Variants in PAPPA observed in about 807,000 individuals in gnomAD.
PAPPA encodes the protein pappalysin 1, also known as pappalysin-1.
PAPPA carries 60 observed loss-of-function variants against 164.0 expected under a neutral mutation model. That is an observed-to-expected ratio of 0.37 (90% CI 0.30 to 0.45). The LOEUF is 0.45. PAPPA is among the 20% of genes least tolerant of loss of function. The probability of loss-of-function intolerance (pLI) is 1.00; values close to 1 mark genes in which losing one functional copy is unlikely to be tolerated. For missense variants in PAPPA, 1,782 were observed against 2,087.3 expected (o/e 0.85, Z 2.85); for synonymous variants, 875 against 814.1 (o/e 1.07, Z -1.27).
At chr9:116,192,620 G>C (rs951514849) in intron 2 of PAPPA, among the ~76,000 whole-genome samples, 11 of 152,118 alleles carry the variant, frequency 7.2e-5, no homozygotes, top group Admixed American at 3.9e-4. Context: ...GTGAATGAAG[G>C]GTCCACAGTA....
Position 116,154,189 on chromosome 9 carries a change from G to C in PAPPA, c.17G>C (p.Trp6Ser). 6.7e-7 allele frequency: 1 copy of C among 1,486,592 alleles called. No individual in the cohort carries two copies. Among genetic ancestry groups the C allele is most frequent in the Non-Finnish European group, 8.9e-7 (1 of 1,119,008 alleles). The allele number at this position is 1,486,592 out of a possible 1,614,324, so 92.1% of individuals were successfully genotyped here. A position where few individuals can be genotyped will look rare whatever the true frequency, so the allele number is the denominator to read the frequency against. Residue 6 changes from tryptophan (W) to serine (S), a missense_variant, in exon 1 of 22, where the codon TGG (tryptophan) becomes TCG (serine). Physicochemically the swap from Trp to Ser is radical, Grantham distance 177 (BLOSUM62 -3). Coordinates refer to ENST00000328252, the MANE Select transcript of PAPPA (RefSeq NM_002581.5). The surrounding 1 kb of genome is among the most constrained non-coding windows in gnomAD (Gnocchi z 5.2). ...CCGTCGGACATGCGGCTCTGGAGTT[G>C]GGTGCTGCACCTGGGGCTGCTGAGC... is the stretch of plus-strand genomic sequence containing the variant. MRLWS[W>S]VLHLGLLSAA...
In PAPPA at chr9:116,352,921, G is replaced by A; in HGVS notation, c.4175+5G>A. 6.2e-7 allele frequency: 1 copy of A among 1,611,994 alleles called. No homozygotes were observed. Among genetic ancestry groups the A allele is most frequent in the Non-Finnish European group, 8.5e-7 (1 of 1,178,284 alleles). ...ATCCTCTCGGAAGTCAAAGAAGTAA[G>A]TGGGGTTGGAAATGCAAACTTATGG... On this transcript the variant is annotated splice_donor_5th_base_variant and intron_variant, in intron 16 of 21. Transcript: ENST00000328252.
At chr9:116,383,632 TA>T (rs1435688180) in intron 21 of PAPPA, among the ~76,000 whole-genome samples, 2 of 152,174 alleles carry the variant, frequency 1.3e-5, no homozygotes, top group Non-Finnish European at 2.9e-5. Flanking sequence ...TGACCCAAAA[TA>T]CAGGAACAAA....
chr9:116,217,870 A>G (rs754066214), intron 4 of PAPPA, among the ~76,000 whole-genome samples: 2 of 152,148 alleles, frequency 1.3e-5, no homozygotes, highest in African/African-American at 2.4e-5. Flanking sequence ...TGTGTGCACT[A>G]ATCTAGTCAC....
intron 9 of PAPPA, among the ~76,000 whole-genome samples, chr9:116,285,520 A>AT (rs1845327314): frequency 6.6e-6 from 1 of 152,162 alleles, no homozygotes. Flanking sequence ...CCCTGCTGGA[A>AT]TGTGCTCCTC....
At chr9:116,160,963 G>C (rs188413817) in intron 1 of PAPPA, among the ~76,000 whole-genome samples, 43 of 152,322 alleles carry the variant, frequency 2.8e-4, no homozygotes, top group Non-Finnish European at 5.1e-4. Context: ...GGGCCTCAGG[G>C]GAGAGGGTTT....
chr9:116,269,837 G>A (rs1845116925), intron 8 of PAPPA, among the ~76,000 whole-genome samples: 1 of 152,168 alleles, frequency 6.6e-6, no homozygotes, highest in Non-Finnish European at 1.5e-5. Flanking sequence ...GCAATTTCCA[G>A]CAAGCAAGAC....
At chr9:116,367,368 C>T (rs1480376229) in intron 18 of PAPPA, among the ~76,000 whole-genome samples, 3 of 152,124 alleles carry the variant, frequency 2.0e-5, no homozygotes, top group Admixed American at 2.0e-4. Flanking sequence ...TGTGGGGAGC[C>T]TTGGAAAGGT....
At chr9:116,208,138 A>G (rs1403231048) in intron 3 of PAPPA, among the ~76,000 whole-genome samples, 2 of 152,330 alleles carry the variant, frequency 1.3e-5, no homozygotes, top group East Asian at 3.9e-4. Flanking sequence ...CAAATTATAC[A>G]TATCCATAAA....
At chr9:116,178,977 G>T (rs1476690320) in intron 1 of PAPPA, among the ~76,000 whole-genome samples, 1 of 152,232 alleles carries the variant, frequency 6.6e-6, no homozygotes, top group Admixed American at 6.5e-5. Context: ...TACCACATAA[G>T]TCTGTGTATT....
chr9:116,165,280 G>A (rs1228290192), intron 1 of PAPPA, among the ~76,000 whole-genome samples: 1 of 152,070 alleles, frequency 6.6e-6, no homozygotes, highest in African/African-American at 2.4e-5. Flanking sequence ...AGACTCCACT[G>A]GGCTCCAGAC....
At chr9:116,276,948 G>T (rs555497578) in intron 9 of PAPPA, among the ~76,000 whole-genome samples, 54 of 152,186 alleles carry the variant, frequency 3.5e-4, no homozygotes, top group Non-Finnish European at 6.5e-4. Context: ...CCTCTGTCAG[G>T]CTGCTCTGGC....
chr9:116,183,618 CTTATTGAAGCTCGGTGA>C (rs1328795794), intron 1 of PAPPA, among the ~76,000 whole-genome samples: 3 of 152,166 alleles, frequency 2.0e-5, no homozygotes, highest in African/African-American at 7.2e-5. Context: ...CACCCCCAAC[CTTATTGAAGCTCGGTGA>C]TTTTCTTTCA....
At chr9:116,223,941 G>A (rs1481285781) in intron 5 of PAPPA, among the ~76,000 whole-genome samples, 6 of 152,132 alleles carry the variant, frequency 3.9e-5, no homozygotes, top group African/African-American at 1.2e-4. Context: ...GCAAGATAAC[G>A]GTGAAATGCC....
At chr9:116,161,744 G>T (rs989029677) in intron 1 of PAPPA, among the ~76,000 whole-genome samples, 21 of 151,610 alleles carry the variant, frequency 1.4e-4, no homozygotes, top group African/African-American at 4.6e-4. Context: ...GGTAGTGGTT[G>T]GTGAGAGATT....
intron 6 of PAPPA, among the ~76,000 whole-genome samples, chr9:116,234,251 T>C (rs1385559327): frequency 6.6e-6 from 1 of 152,150 alleles, no homozygotes; most frequent in Non-Finnish European, 1.5e-5. Flanking sequence ...CTGAGATCAG[T>C]GGGGATGAGG....
chr9:116,219,670 G>C (rs147908859), intron 4 of PAPPA, among the ~76,000 whole-genome samples: 127 of 152,208 alleles, frequency 8.3e-4, no homozygotes, highest in African/African-American at 3.0e-3. Flanking sequence ...GTGACCTCTG[G>C]GCTGCTCTCT....
intron 10 of PAPPA, among the ~76,000 whole-genome samples, chr9:116,310,820 C>A (rs1412068590): frequency 1.3e-5 from 2 of 152,166 alleles, no homozygotes; most frequent in African/African-American, 4.8e-5. Flanking sequence ...GAGTCCACCA[C>A]TTACTAGCTG....
rs780096623 is a variant in PAPPA at position 116,398,621 on chromosome 9, C to T, written c.*2005C>T. The T allele has an allele frequency of 5.9e-5, 62 of 1,050,072 alleles. No homozygotes were observed. The South Asian group carries it at 7.6e-4, about 13-fold the overall frequency. 65.0% of individuals were successfully genotyped at this position (1,050,072 alleles called of 1,614,324 possible). The stretch of plus-strand genomic sequence containing the variant: ...TGGCCAATTACACTAAGAAACATAT[C>T]AAGGTGCTTTTGGCACAGGTGCCCA... On this transcript the variant is annotated 3_prime_UTR_variant, in exon 22 of 22. Transcript: ENST00000328252.
Sources: allele counts gnomAD v4.1 joint callset (sites outside exome capture counted in the v4.1 genomes callset), GRCh38; gene constraint gnomAD v4.1.1; non-coding constraint Gnocchi (gnomAD v3.1); transcripts MANE v1.5; gene names NCBI Gene and HGNC (gene_info 2026-07-23, HGNC 2026-07-21).